Variants in SH3RF3 observed in about 807,000 individuals in gnomAD.
SH3RF3 encodes the protein E3 ubiquitin-protein ligase SH3RF3.
A neutral mutation model predicts 66.3 loss-of-function variants in SH3RF3; 29 were observed. The observed-to-expected ratio is 0.44, with a 90% confidence interval of 0.33 to 0.60. SH3RF3 has a LOEUF of 0.60. Among genes scored for constraint, SH3RF3 ranks in the 20% least tolerant of loss-of-function variants. The probability of loss-of-function intolerance (pLI) is 0.04; values close to 1 mark genes in which losing one functional copy is unlikely to be tolerated. For missense variants in SH3RF3, 1,194 were observed against 1,190.9 expected (o/e 1.00, Z -0.04); for synonymous variants, 583 against 532.0 (o/e 1.10, Z -1.32).
intron 1 of SH3RF3, among the ~76,000 whole-genome samples, chr2:109,306,558 A>G (rs963490781): frequency 6.6e-6 from 1 of 152,206 alleles, no homozygotes; most frequent in African/African-American, 2.4e-5. Context: ...CTCTGACCGT[A>G]CAGTGGCTGG....
chr2:109,306,964 TGCTTGCC>T (rs1681612295), intron 1 of SH3RF3, among the ~76,000 whole-genome samples: 1 of 152,222 alleles, frequency 6.6e-6, no homozygotes, highest in Admixed American at 6.5e-5. Context: ...TTTGCTCAAT[TGCTTGCC>T]GCTTGGCATG....
chr2:109,446,645 G>A (rs1338337604), intron 7 of SH3RF3, among the ~76,000 whole-genome samples: 2 of 152,190 alleles, frequency 1.3e-5, no homozygotes, highest in African/African-American at 4.8e-5. Context: ...ATGGGCAGGG[G>A]TGCTGGCACT....
intron 1 of SH3RF3, among the ~76,000 whole-genome samples, chr2:109,306,889 G>A (rs987621878): frequency 2.6e-5 from 4 of 152,220 alleles, no homozygotes; most frequent in African/African-American, 7.2e-5. Flanking sequence ...ACGGGTGTGC[G>A]GTGTACGGTA....
At chr2:109,205,560 CTCTT>C (rs1185859283) in intron 1 of SH3RF3, among the ~76,000 whole-genome samples, 3 of 152,158 alleles carry the variant, frequency 2.0e-5, no homozygotes, top group Non-Finnish European at 4.4e-5. Flanking sequence ...ACTTATGTGA[CTCTT>C]TATGCTCACA....
intron 2 of SH3RF3, among the ~76,000 whole-genome samples, chr2:109,370,780 TCCTTTCTCCTTCCA>T (rs1683256465): frequency 1.3e-5 from 2 of 152,232 alleles, no homozygotes; most frequent in African/African-American, 4.8e-5. Flanking sequence ...GCCTGCCTCT[TCCTTTCTCCTTCCA>T]TCTGTTTCCA....
At chr2:109,497,581 G>T (rs1215674118) in intron 9 of SH3RF3, among the ~76,000 whole-genome samples, 4 of 152,222 alleles carry the variant, frequency 2.6e-5, no homozygotes, top group Non-Finnish European at 5.9e-5. Flanking sequence ...TGACCTGGGA[G>T]TAGCTGTCAT....
intron 1 of SH3RF3, among the ~76,000 whole-genome samples, chr2:109,196,299 C>G (rs566232565): frequency 3.0e-4 from 46 of 152,302 alleles, no homozygotes; most frequent in African/African-American, 8.7e-4. Flanking sequence ...GCCAGCAGCC[C>G]TGGATTGGTG....
intron 2 of SH3RF3, among the ~76,000 whole-genome samples, chr2:109,368,718 A>AAAG (rs1683198450): frequency 6.6e-6 from 1 of 150,786 alleles, no homozygotes; most frequent in Non-Finnish European, 1.5e-5. Flanking sequence ...TAAAAAAAAA[A>AAAG]AAAAAGAAAA....
intron 8 of SH3RF3, among the ~76,000 whole-genome samples, chr2:109,485,463 T>C (rs1678944189): frequency 6.6e-6 from 1 of 152,248 alleles, no homozygotes; most frequent in African/African-American, 2.4e-5. Flanking sequence ...TGAATCTTAA[T>C]TTAAGCTTTC....
chr2:109,186,118 T>C (rs1195670804), intron 1 of SH3RF3, among the ~76,000 whole-genome samples: 2 of 152,280 alleles, frequency 1.3e-5, no homozygotes, highest in Admixed American at 1.3e-4. Context: ...GGGCAGGCCC[T>C]GTCTCTGTGT....
intron 1 of SH3RF3, among the ~76,000 whole-genome samples, chr2:109,278,460 G>A (rs1003039358): frequency 2.4e-4 from 36 of 152,340 alleles, no homozygotes; most frequent in African/African-American, 7.7e-4. Flanking sequence ...AAATAAATGT[G>A]CCCGATGAAC....
chr2:109,464,642 T>C (rs1284671927), intron 8 of SH3RF3, among the ~76,000 whole-genome samples: 1 of 152,192 alleles, frequency 6.6e-6, no homozygotes, highest in Non-Finnish European at 1.5e-5. Context: ...TTCCAAGACT[T>C]TTTTTAAAGA....
At chr2:109,287,184 G>A (rs937569672) in intron 1 of SH3RF3, among the ~76,000 whole-genome samples, 1 of 152,118 alleles carries the variant, frequency 6.6e-6, no homozygotes. Flanking sequence ...ACAGAATTTT[G>A]CATCCAAAAT....
intron 5 of SH3RF3, among the ~76,000 whole-genome samples, chr2:109,425,703 A>AAC (rs953525090): frequency 2.0e-4 from 30 of 151,834 alleles, no homozygotes; most frequent in African/African-American, 6.8e-4. Context: ...GCTCAGAAAA[A>AAC]AAAGATTCCT....
chr2:109,472,854 C>G (rs1678559806), intron 8 of SH3RF3, among the ~76,000 whole-genome samples: 1 of 152,206 alleles, frequency 6.6e-6, no homozygotes. Flanking sequence ...AGGGTCGTGA[C>G]ACACTCAGAC....
intron 1 of SH3RF3, among the ~76,000 whole-genome samples, chr2:109,185,409 A>G (rs1208604975): frequency 6.6e-6 from 1 of 152,284 alleles, no homozygotes; most frequent in East Asian, 1.9e-4. Flanking sequence ...GAACCTAAAG[A>G]AAAATTCTTA....
At chr2:109,373,056 G>A (rs557896287) in intron 3 of SH3RF3, among the ~76,000 whole-genome samples, 4 of 152,008 alleles carry the variant, frequency 2.6e-5, no homozygotes, top group Non-Finnish European at 5.9e-5. Context: ...AGTGGTTCTC[G>A]CACATTTAGT....
intron 1 of SH3RF3, among the ~76,000 whole-genome samples, chr2:109,232,786 C>T (rs772755971): frequency 1.3e-5 from 2 of 152,318 alleles, no homozygotes; most frequent in Non-Finnish European, 1.5e-5. Flanking sequence ...GTCCCCTAAA[C>T]ACAGCTGAGA....
chr2:109,436,557 G>C (rs925645974), intron 6 of SH3RF3, among the ~76,000 whole-genome samples: 1 of 152,258 alleles, frequency 6.6e-6, no homozygotes, highest in Non-Finnish European at 1.5e-5. Flanking sequence ...TGAGTCATCT[G>C]TTCTTTCTGG....
Sources: gnomAD v4.1 joint callset for allele counts (sites outside exome capture counted in the v4.1 genomes callset) on GRCh38, gnomAD v4.1.1 for gene constraint, MANE v1.5 for transcripts, NCBI Gene and HGNC (gene_info 2026-07-23, HGNC 2026-07-21) for gene names.